Variants in ATP8A2 observed in about 807,000 individuals in gnomAD.
The protein encoded by ATP8A2 is phospholipid-transporting ATPase IB.
ATP8A2 carries 100 observed loss-of-function variants against 165.6 expected under a neutral mutation model. That is an observed-to-expected ratio of 0.60 (90% CI 0.51 to 0.71). The LOEUF (loss-of-function observed/expected upper bound fraction) is 0.71. Ranked by LOEUF, ATP8A2 falls within the 30% of genes least tolerant of loss-of-function variation. The pLI, the probability that ATP8A2 is intolerant of heterozygous loss-of-function variation, is 0.00. For missense variants in ATP8A2, 1,227 were observed against 1,479.5 expected (o/e 0.83, Z 2.80); for synonymous variants, 543 against 548.8 (o/e 0.99, Z 0.15).
chr13:25,651,207 G>A (rs2041803579), intron 24 of ATP8A2, among the ~76,000 whole-genome samples: 1 of 152,096 alleles, frequency 6.6e-6, no homozygotes, highest in South Asian at 2.1e-4. Flanking sequence ...CATTTTGGGA[G>A]GCCAAGATGG....
At chr13:25,763,185 G>A (rs182943639) in intron 25 of ATP8A2, among the ~76,000 whole-genome samples, 2 of 152,160 alleles carry the variant, frequency 1.3e-5, no homozygotes, top group Non-Finnish European at 2.9e-5. Context: ...TGGGGTGCAC[G>A]TAGTCACTCT....
chr13:25,450,591 G>GC (rs1417644457), intron 1 of ATP8A2, among the ~76,000 whole-genome samples: 1 of 152,138 alleles, frequency 6.6e-6, no homozygotes, highest in African/African-American at 2.4e-5. Context: ...GAGTGCAGTG[G>GC]TGTGATCTCG....
chr13:25,696,345 T>C (rs1459693166), intron 24 of ATP8A2, among the ~76,000 whole-genome samples: 3 of 152,218 alleles, frequency 2.0e-5, no homozygotes, highest in Non-Finnish European at 4.4e-5. Context: ...CATTAGCCTC[T>C]AACAAGAGTC....
At chr13:25,519,602 G>C (rs2137833124) in intron 2 of ATP8A2, among the ~76,000 whole-genome samples, 1 of 152,194 alleles carries the variant, frequency 6.6e-6, no homozygotes, top group South Asian at 2.1e-4. Context: ...CATGTTTAGA[G>C]GGAGACTGAG....
intron 1 of ATP8A2, among the ~76,000 whole-genome samples, chr13:25,414,221 C>A (rs1023130818): frequency 2.8e-5 from 4 of 144,068 alleles, no homozygotes; most frequent in African/African-American, 1.0e-4. Flanking sequence ...GTCAGAGTCT[C>A]GCTCTGTCGC....
At chr13:25,882,612 G>T (rs1953014285) in intron 33 of ATP8A2, among the ~76,000 whole-genome samples, 1 of 152,134 alleles carries the variant, frequency 6.6e-6, no homozygotes, top group African/African-American at 2.4e-5. Flanking sequence ...TGTTTTGAGG[G>T]CTAGGCAGTG....
At chr13:25,589,805 TG>T in intron 24 of ATP8A2, 106 bp downstream of exon 24, 1 of 677,658 alleles carries the variant, frequency 1.5e-6, no homozygotes, top group Non-Finnish European at 2.5e-6. Context: ...AAAACAGTTA[TG>T]AAAAAACTGT....
At chr13:25,902,742 G>A (rs772726453) in intron 33 of ATP8A2, among the ~76,000 whole-genome samples, 1 of 151,976 alleles carries the variant, frequency 6.6e-6, no homozygotes, top group Non-Finnish European at 1.5e-5. Context: ...TCCTCTGCAC[G>A]TTCCTGTGCT....
chr13:25,752,136 A>G (rs1367497699), intron 25 of ATP8A2, among the ~76,000 whole-genome samples: 1 of 151,974 alleles, frequency 6.6e-6, no homozygotes, highest in East Asian at 1.9e-4. Flanking sequence ...ATAACTTCTG[A>G]ATAGGCAGCT....
chr13:25,532,725 G>A (rs1442490152), intron 5 of ATP8A2, among the ~76,000 whole-genome samples: 1 of 151,998 alleles, frequency 6.6e-6, no homozygotes, highest in Non-Finnish European at 1.5e-5. Context: ...GGACTACAGT[G>A]GCATGATCAT....
chr13:25,940,062 C>T (rs1422370086), intron 33 of ATP8A2, among the ~76,000 whole-genome samples: 2 of 152,170 alleles, frequency 1.3e-5, no homozygotes, highest in East Asian at 1.9e-4. Context: ...TCCTCGGGAG[C>T]GTGAAGGGCT....
At chr13:25,951,070 G>C (rs1955342510) in intron 33 of ATP8A2, among the ~76,000 whole-genome samples, 1 of 152,202 alleles carries the variant, frequency 6.6e-6, no homozygotes, top group Non-Finnish European at 1.5e-5. Flanking sequence ...CTCTTTGGCT[G>C]TGTCTAATAA....
At position 25,581,930 on chromosome 13, in the gene ATP8A2, G is replaced by A. The variant is rs766957407; in HGVS notation, c.2119G>A (p.Asp707Asn). 8.7e-6 allele frequency: 14 copies of A among 1,611,948 alleles called. No individual in the cohort carries two copies. The highest frequency in any genetic ancestry group is 3.4e-6 in the Non-Finnish European group (4 of 1,179,368). Residue 707 changes from aspartate to asparagine, a missense_variant, in exon 23 of 37, where the codon GAC (aspartate) becomes AAC (asparagine). Physicochemically the swap from Asp to Asn is conservative, Grantham distance 23. Transcript: ENST00000381655. ...AEIKIWVLTG[D>N]KQETAINIGY... ...AATTAAAATATGGGTGTTGACAGGA[G>A]ACAAACAAGAAACTGCGATTAATAT...
rs150686357 is a variant in ATP8A2 at position 25,629,209 on chromosome 13, A to G, written c.2211+39510A>G. Among the ~76,000 whole-genome samples the G allele has an allele frequency of 8.0e-4, 122 of 152,330 alleles. 1 individual carries two copies. The highest frequency in any genetic ancestry group is 1.4e-3 in the Non-Finnish European group (97 of 68,022). Reference sequence around the variant, plus strand: ...AACACATGGGCAGTCTCAAGTAAACATATTGGCTGTTGATTGTTGTAACCT... The same window carrying G: ...AACACATGGGCAGTCTCAAGTAAACGTATTGGCTGTTGATTGTTGTAACCT... On this transcript the variant is annotated intron_variant, in intron 24 of 36. Transcript: ENST00000381655.
intron 27 of ATP8A2, among the ~76,000 whole-genome samples, chr13:25,813,837 TG>T (rs939298263): frequency 6.6e-6 from 1 of 152,184 alleles, no homozygotes; most frequent in African/African-American, 2.4e-5. Context: ...CCCTCCCTAA[TG>T]TGGGTGGGCC....
chr13:25,449,492 G>A (rs1348111423), intron 1 of ATP8A2, among the ~76,000 whole-genome samples: 1 of 152,198 alleles, frequency 6.6e-6, no homozygotes, highest in Non-Finnish European at 1.5e-5. Context: ...GCTATAGATT[G>A]TGGTGTATCT....
At chr13:25,721,206 CT>C (rs994203238) in intron 25 of ATP8A2, among the ~76,000 whole-genome samples, 141 of 142,150 alleles carry the variant, frequency 9.9e-4, no homozygotes, top group Non-Finnish European at 1.1e-3. Flanking sequence ...TTCAAGTGAG[CT>C]TTTTTTTTTT....
intron 1 of ATP8A2, among the ~76,000 whole-genome samples, chr13:25,447,661 G>A (rs893982097): frequency 2.6e-5 from 4 of 152,196 alleles, no homozygotes; most frequent in Non-Finnish European, 5.9e-5. Context: ...GTCCACAGAT[G>A]GCTAAGTGTT....
chr13:25,978,206 A>G (rs977858758), intron 35 of ATP8A2, among the ~76,000 whole-genome samples: 2 of 152,216 alleles, frequency 1.3e-5, no homozygotes, highest in Non-Finnish European at 2.9e-5. Context: ...TTTGCCAAAA[A>G]AAAATTGCCA....
Sources: gnomAD v4.1 joint callset for allele counts (sites outside exome capture counted in the v4.1 genomes callset) on GRCh38, gnomAD v4.1.1 for gene constraint, MANE v1.5 for transcripts, NCBI Gene and HGNC (gene_info 2026-07-23, HGNC 2026-07-21) for gene names.